The following ACAD10 variants were observed in gnomAD, a reference collection of about 807,000 sequenced individuals.
ACAD10 encodes acyl-CoA dehydrogenase family member 10.
ACAD10 carries 112 observed loss-of-function variants against 116.8 expected under a neutral mutation model. That is an observed-to-expected ratio of 0.96 (90% CI 0.82 to 1.12). The LOEUF (loss-of-function observed/expected upper bound fraction) is 1.12, where lower values mean the gene tolerates loss of function less well. Among genes scored for constraint, ACAD10 ranks in the 50% most tolerant of loss-of-function variants. The pLI, the probability that ACAD10 is intolerant of heterozygous loss-of-function variation, is 0.00. For synonymous variants in ACAD10, 486 were observed against 510.6 expected (o/e 0.95, Z 0.65); for missense variants, 1,259 against 1,350.2 (o/e 0.93, Z 1.06).
At chr12:111,700,040 T>A (rs1450463682) in intron 2 of ACAD10, among the ~76,000 whole-genome samples, 1 of 152,196 alleles carries the variant, frequency 6.6e-6, no homozygotes, top group African/African-American at 2.4e-5. Flanking sequence ...TGTGGTTGTG[T>A]TCCAATAAGA....
chr12:111,753,285 G>T (rs901438995), intron 18 of ACAD10: 1 of 328,696 alleles, frequency 3.0e-6, no homozygotes, highest in Admixed American at 4.0e-5. Flanking sequence ...GCGGAAGGCC[G>T]GGAGCGAGAC....
chr12:111,723,751 G>T lies in ACAD10; in HGVS notation c.1061+2012G>T, dbSNP rs1214321996. On this transcript the variant is annotated intron_variant, in intron 8 of 20. Coordinates refer to ENST00000313698, the MANE Select transcript of ACAD10 (RefSeq NM_025247.6). ...CGGAGACGCTCCTCACTTCCCAGAT[G>T]GGGTGGCTGCCGGGCAGAGAGGCTC... is the stretch of plus-strand genomic sequence containing the variant. Among the ~76,000 whole-genome samples, 3 of 151,426 alleles carry T rather than the reference G, an allele frequency of 2.0e-5. No homozygotes were observed. The East Asian group carries it at 5.9e-4, about 30-fold the overall frequency.
In ACAD10 at chr12:111,756,780, C is replaced by T. The variant is rs1420792587; in HGVS notation, c.*307C>T. 1.9e-6 allele frequency: 1 copy of T among 532,788 alleles called. No individual in the cohort carries two copies. Among genetic ancestry groups the T allele is most frequent in the Non-Finnish European group, 3.6e-6 (1 of 277,782 alleles). The allele number at this position is 532,788 out of a possible 1,614,324, so 33.0% of individuals were successfully genotyped here. On this transcript the variant is annotated 3_prime_UTR_variant, in exon 21 of 21. Coordinates refer to ENST00000313698, the MANE Select transcript of ACAD10 (RefSeq NM_025247.6). ...CTGGGCAGGCACGGTCACTTCACTTCAGCCTTTCAGTCCCTCTCTCTCTGC... is the reference window on the plus strand; with the variant it reads ...CTGGGCAGGCACGGTCACTTCACTTTAGCCTTTCAGTCCCTCTCTCTCTGC...
intron 12 of ACAD10, among the ~76,000 whole-genome samples, chr12:111,737,972 C>T (rs1444419988): frequency 6.6e-6 from 1 of 152,048 alleles, no homozygotes; most frequent in African/African-American, 2.4e-5. Context: ...CATGCCTCAG[C>T]CTCCCAAGAA....
At chr12:111,739,097 G>A (rs1477591966) in intron 12 of ACAD10, among the ~76,000 whole-genome samples, 1 of 152,140 alleles carries the variant, frequency 6.6e-6, no homozygotes, top group Non-Finnish European at 1.5e-5. Flanking sequence ...CTCTAGAGAA[G>A]TATCCTGGAC....
intron 12 of ACAD10, among the ~76,000 whole-genome samples, chr12:111,742,428 A>G (rs1052218799): frequency 6.6e-6 from 1 of 152,198 alleles, no homozygotes; most frequent in Non-Finnish European, 1.5e-5. Flanking sequence ...CATACCTAGC[A>G]CCCAGAAGGT....
chr12:111,735,940 C>T (rs758945776), intron 11 of ACAD10, among the ~76,000 whole-genome samples: 3 of 151,916 alleles, frequency 2.0e-5, no homozygotes, highest in Non-Finnish European at 2.9e-5. Context: ...ACCACAGTGG[C>T]GCAATCTCGG....
chr12:111,686,080 A>T lies in ACAD10; in HGVS notation c.-173A>T, dbSNP rs1278394855. Reference sequence around the variant, plus strand: ...TGCTCTTCCGGACGCAATTTTGAGGAGGTCGGAGCGGAAGGACGTCGTGGA... The same window carrying T: ...TGCTCTTCCGGACGCAATTTTGAGGTGGTCGGAGCGGAAGGACGTCGTGGA... On this transcript the variant is annotated 5_prime_UTR_variant, in exon 1 of 21. Coordinates refer to ENST00000313698, the MANE Select transcript of ACAD10 (RefSeq NM_025247.6). 1 of 214,060 alleles carries T rather than the reference A, an allele frequency of 4.7e-6. No individual in the cohort carries two copies. The highest frequency in any genetic ancestry group is 9.3e-6 in the Non-Finnish European group (1 of 108,108). 13.3% of individuals were successfully genotyped at this position (214,060 alleles called of 1,614,324 possible). A position where few individuals can be genotyped will look rare whatever the true frequency, so the allele number is the denominator to read the frequency against.
At position 111,747,034 on chromosome 12, in the gene ACAD10, C is replaced by G. The variant is rs1407127399; in HGVS notation, c.2257-15C>G. On this transcript the variant is annotated splice_polypyrimidine_tract_variant and intron_variant, in intron 14 of 20. Coordinates refer to ENST00000313698, the MANE Select transcript of ACAD10 (RefSeq NM_025247.6). ...AGGACATGACAGTCATGGTCACGCT[C>G]CTTTTCCTTCTCAGGTATGTAACTG... The G allele has an allele frequency of 6.4e-7, 1 of 1,569,692 alleles. No individual in the cohort carries two copies. Among genetic ancestry groups the G allele is most frequent in the Non-Finnish European group, 8.7e-7 (1 of 1,155,738 alleles).
At chr12:111,742,189 A>G (rs191516908) in intron 12 of ACAD10, among the ~76,000 whole-genome samples, 73 of 152,316 alleles carry the variant, frequency 4.8e-4, no homozygotes, top group Admixed American at 1.6e-3. Context: ...GACTTTTTTC[A>G]GGGACAAAGT....
At chr12:111,749,389 C>G (rs1890007937) in intron 18 of ACAD10, 44 bp downstream of exon 18, 1 of 1,576,652 alleles carries the variant, frequency 6.3e-7, no homozygotes. Context: ...AGAACCACCA[C>G]CTTCTGCTTT....
intron 6 of ACAD10, chr12:111,715,480 G>A (rs536170325): frequency 1.1e-4 from 29 of 265,844 alleles, no homozygotes; most frequent in South Asian, 4.2e-4. Flanking sequence ...CCATGGCTGC[G>A]TTTGTGCTTG....
At chr12:111,749,497 G>A in intron 18 of ACAD10, 152 bp downstream of exon 18, 1 of 1,040,868 alleles carries the variant, frequency 9.6e-7, no homozygotes. Flanking sequence ...TGTCTGCTTT[G>A]CATCTGCTAC....
chr12:111,696,227 G>A (rs1378806487), intron 2 of ACAD10, among the ~76,000 whole-genome samples: 1 of 151,614 alleles, frequency 6.6e-6, no homozygotes, highest in African/African-American at 2.4e-5. Flanking sequence ...CCTAATTTTT[G>A]TTTTTTATAG....
At chr12:111,689,973 C>T (rs1471435378) in intron 1 of ACAD10, among the ~76,000 whole-genome samples, 4 of 152,166 alleles carry the variant, frequency 2.6e-5, no homozygotes, top group Non-Finnish European at 5.9e-5. Context: ...CCTCGGCCTC[C>T]CAGAGTGCTG....
intron 18 of ACAD10, among the ~76,000 whole-genome samples, chr12:111,752,430 A>G (rs796317463): frequency 1.3e-4 from 19 of 150,872 alleles, no homozygotes; most frequent in African/African-American, 4.6e-4. Flanking sequence ...ATTATGAAAC[A>G]CCCCATCTCT....
rs758809035 is a variant in ACAD10, at chr12:111,744,735, C to T, written c.1807C>T (p.Arg603Trp). The T allele has an allele frequency of 4.3e-6, 7 of 1,614,204 alleles. No individual in the cohort carries two copies. Among genetic ancestry groups the T allele is most frequent in the Non-Finnish European group, 5.1e-6 (6 of 1,180,038 alleles). Residue 603 changes from arginine to tryptophan, a missense_variant, in exon 13 of 21, where the codon CGG becomes TGG. Arg to Trp is a moderately radical substitution (Grantham distance 101). Coordinates refer to ENST00000313698, the MANE Select transcript of ACAD10 (RefSeq NM_025247.6). Reference sequence around the variant, plus strand: ...GGATTTCGCAGTCAAAGAAGGGTTCCGGGTTTTCAAAGAGATGCCCTTCAC... The same window carrying T: ...GGATTTCGCAGTCAAAGAAGGGTTCTGGGTTTTCAAAGAGATGCCCTTCAC... ...AWDFAVKEGF[R>W]VFKEMPFTNP...
intron 12 of ACAD10, among the ~76,000 whole-genome samples, chr12:111,737,759 A>C (rs1889613379): frequency 6.6e-6 from 1 of 152,102 alleles, no homozygotes; most frequent in African/African-American, 2.4e-5. Flanking sequence ...CTTTGATTTT[A>C]AAATTTTGTA....
At chr12:111,737,075 AC>A in intron 12 of ACAD10, 71 bp downstream of exon 12, 2 of 1,523,502 alleles carry the variant, frequency 1.3e-6, no homozygotes, top group Non-Finnish European at 1.8e-6. Context: ...CCACCTGGAA[AC>A]CCTCTCAGGG....
Sources: allele counts gnomAD v4.1 joint callset (sites outside exome capture counted in the v4.1 genomes callset), GRCh38; gene constraint gnomAD v4.1.1; transcripts MANE v1.5; gene names NCBI Gene and HGNC (gene_info 2026-07-23, HGNC 2026-07-21).